The following TANK variants were observed in gnomAD, a reference collection of about 807,000 sequenced individuals.
TANK encodes the protein TRAF family member-associated NF-kappa-B activator.
In TANK, 15 loss-of-function variants were observed where a neutral mutation model predicts 43.6. The ratio of observed to expected loss-of-function variants is 0.34; its 90% CI spans 0.23 to 0.53. The LOEUF (loss-of-function observed/expected upper bound fraction) is 0.53, where lower values mean the gene tolerates loss of function less well. Ranked by LOEUF, TANK falls within the 20% of genes least tolerant of loss-of-function variation. The probability of loss-of-function intolerance (pLI) is 0.94; values close to 1 mark genes in which losing one functional copy is unlikely to be tolerated. For missense variants in TANK, 417 were observed against 498.6 expected (o/e 0.84, Z 1.56); for synonymous variants, 162 against 178.2 (o/e 0.91, Z 0.73).
intron 1 of TANK, among the ~76,000 whole-genome samples, chr2:161,146,227 C>A (rs1315083186): frequency 1.3e-5 from 2 of 152,128 alleles, no homozygotes; most frequent in Non-Finnish European, 2.9e-5. Flanking sequence ...GCTCCTATAG[C>A]CTTTTATCAA....
intron 2 of TANK, among the ~76,000 whole-genome samples, chr2:161,189,392 G>A (rs550042472): frequency 6.6e-6 from 1 of 152,062 alleles, no homozygotes; most frequent in Non-Finnish European, 1.5e-5. Flanking sequence ...AGAAGGAAAC[G>A]AACTCAACAA....
chr2:161,149,926 G>A (rs1381970582), intron 1 of TANK, among the ~76,000 whole-genome samples: 1 of 152,046 alleles, frequency 6.6e-6, no homozygotes, highest in African/African-American at 2.4e-5. Context: ...TATTCACAAG[G>A]AATATTGGTT....
At chr2:161,199,037 T>C (rs13406271) in intron 2 of TANK, among the ~76,000 whole-genome samples, 6,324 of 152,234 alleles carry the variant, frequency 0.042, 394 homozygotes, top group African/African-American at 0.14. Flanking sequence ...CTTACCAAAA[T>C]TTCAAGATGT....
intron 1 of TANK, among the ~76,000 whole-genome samples, chr2:161,142,603 G>A (rs1683783042): frequency 6.6e-6 from 1 of 152,036 alleles, no homozygotes; most frequent in Non-Finnish European, 1.5e-5. Flanking sequence ...GCTTGTTTTT[G>A]TCCCATTTGT....
intron 4 of TANK, among the ~76,000 whole-genome samples, chr2:161,222,373 ATTTG>A (rs1687390333): frequency 6.6e-6 from 1 of 151,966 alleles, no homozygotes; most frequent in Admixed American, 6.6e-5. Context: ...TTATTTTATG[ATTTG>A]TTTGACATAT....
intron 1 of TANK, among the ~76,000 whole-genome samples, chr2:161,147,134 G>A (rs1243975182): frequency 6.6e-6 from 1 of 152,140 alleles, no homozygotes; most frequent in South Asian, 2.1e-4. Flanking sequence ...TGGGGTGGGG[G>A]TGTGGGAGTT....
chr2:161,152,151 T>C (rs1684098265), intron 1 of TANK, among the ~76,000 whole-genome samples: 1 of 152,170 alleles, frequency 6.6e-6, no homozygotes, highest in Non-Finnish European at 1.5e-5. Flanking sequence ...AGGATTTGTC[T>C]TTTAAATCAT....
intron 3 of TANK, among the ~76,000 whole-genome samples, 180 bp from the exon 4 acceptor site, chr2:161,204,495 G>A (rs56386504): frequency 6.5e-4 from 99 of 152,144 alleles, no homozygotes; most frequent in Non-Finnish European, 6.6e-4. Context: ...TTGTTTAGTG[G>A]GAAGGAAAAA....
intron 2 of TANK, among the ~76,000 whole-genome samples, chr2:161,181,968 A>C (rs1289251982): frequency 6.6e-6 from 1 of 152,194 alleles, no homozygotes; most frequent in African/African-American, 2.4e-5. Context: ...TAATATGCTA[A>C]TATTTTGGAA....
chr2:161,163,640 G>T (rs561948774), intron 1 of TANK: 1 of 152,078 alleles, frequency 6.6e-6, no homozygotes, highest in African/African-American at 2.4e-5. Context: ...CAATTTTGCC[G>T]GGAAATTTCT....
chr2:161,171,210 G>A (rs1180364485), intron 1 of TANK, among the ~76,000 whole-genome samples: 2 of 152,154 alleles, frequency 1.3e-5, no homozygotes, highest in Non-Finnish European at 2.9e-5. Context: ...CTGTTGGGCT[G>A]CCCAGGGATT....
At chr2:161,173,635 C>T (rs1024414785) in intron 1 of TANK, among the ~76,000 whole-genome samples, 1 of 151,726 alleles carries the variant, frequency 6.6e-6, no homozygotes, top group Non-Finnish European at 1.5e-5. Flanking sequence ...TGTGCCCAGA[C>T]CTTTTTTTTT....
intron 1 of TANK, among the ~76,000 whole-genome samples, chr2:161,172,355 CTTTT>C (rs72017971): frequency 1.1e-5 from 1 of 89,258 alleles, no homozygotes; most frequent in Non-Finnish European, 2.2e-5. Context: ...TTTTTTTCGG[CTTTT>C]TTTTTTTTTT....
chr2:161,231,503 T>G lies in TANK; in HGVS notation c.1053T>G (p.Pro351=). The change falls in exon 7 of 8, where the codon CCT becomes CCG. Residue 351 remains proline (P), a synonymous_variant. Coordinates refer to ENST00000392749, the MANE Select transcript of TANK (RefSeq NM_001199135.3). ...CACTTCTGGACCCATCTGATGCACCTTTTCCCTCACTCGATTCCCCGGGAA... is the reference window on the plus strand; with the variant it reads ...CACTTCTGGACCCATCTGATGCACCGTTTCCCTCACTCGATTCCCCGGGAA... The part of the protein sequence containing the change: ...SFPLLDPSDA[P]FPSLDSPGKA... The G allele has an allele frequency of 1.2e-6, 2 of 1,613,246 alleles. No homozygotes were observed. The highest frequency in any genetic ancestry group is 4.5e-5 in the East Asian group (2 of 44,882).
At chr2:161,158,803 T>C (rs1390269550), upstream of TANK, among the ~76,000 whole-genome samples, 1 of 152,214 alleles carries the variant, frequency 6.6e-6, no homozygotes, top group Non-Finnish European at 1.5e-5. Flanking sequence ...GCAAAAGACA[T>C]ATCTGATAAA....
In TANK at chr2:161,168,739, A is replaced by T. The variant is rs1233780934; in HGVS notation, c.-50+8253A>T. On this transcript the variant is annotated intron_variant, in intron 1 of 7. Coordinates refer to ENST00000392749, the MANE Select transcript of TANK (RefSeq NM_001199135.3). ...TCCCAGCTACTGGGGAGGCTGAGGC[A>T]CAAGAATCGCTTGAATCCCGGAGGT... Among the ~76,000 whole-genome samples the T allele has an allele frequency of 1.3e-5, 2 of 152,228 alleles. 1 individual carries two copies. The highest frequency in any genetic ancestry group is 2.9e-5 in the Non-Finnish European group (2 of 68,042).
At chr2:161,156,187 T>C, upstream of TANK, 1 of 985,466 alleles carries the variant, frequency 1.0e-6, no homozygotes, top group Non-Finnish European at 1.2e-6. Context: ...TTTCCTTTAA[T>C]GGTTGTCACC....
chr2:161,214,932 A>G (rs894074473), intron 4 of TANK, among the ~76,000 whole-genome samples: 1 of 152,220 alleles, frequency 6.6e-6, no homozygotes. Context: ...AGGCATATTG[A>G]GCTTGGGGAA....
chr2:161,162,868 T>C (rs1309355950), intron 1 of TANK: 1 of 152,194 alleles, frequency 6.6e-6, no homozygotes, highest in Non-Finnish European at 1.5e-5. Flanking sequence ...AACATTTTTA[T>C]CAGGAATGGA....
Sources: allele counts gnomAD v4.1 joint callset (sites outside exome capture counted in the v4.1 genomes callset), GRCh38; gene constraint gnomAD v4.1.1; transcripts MANE v1.5; gene names NCBI Gene and HGNC (gene_info 2026-07-23, HGNC 2026-07-21).